Variants in MTMR6 observed in about 807,000 individuals in gnomAD.
MTMR6 encodes myotubularin related protein 6, also known as phosphatidylinositol-3,5-bisphosphate 3-phosphatase MTMR6.
MTMR6 carries 47 observed loss-of-function variants against 80.1 expected under a neutral mutation model. That is an observed-to-expected ratio of 0.59 (90% confidence interval 0.46 to 0.75). MTMR6 has a LOEUF of 0.75. Among genes scored for constraint, MTMR6 ranks in the 30% least tolerant of loss-of-function variants. MTMR6 has a pLI of 0.00. For synonymous variants in MTMR6, 254 were observed against 253.0 expected, an observed-to-expected ratio of 1.00 and a Z score of -0.04; for missense variants, 629 against 730.9, an observed-to-expected ratio of 0.86 and a Z score of 1.61.
At chr13:25,265,377 T>C (rs747648100) in intron 5 of MTMR6, among the ~76,000 whole-genome samples, 35 of 152,314 alleles carry the variant, frequency 2.3e-4, no homozygotes, top group Middle Eastern at 3.4e-3. Context: ...AGTAGTTTTG[T>C]TTTAAATTTG....
At chr13:25,274,567 T>C (rs1957664343) in intron 1 of MTMR6, among the ~76,000 whole-genome samples, 1 of 152,182 alleles carries the variant, frequency 6.6e-6, no homozygotes, top group African/African-American at 2.4e-5. Context: ...TAGAGTAAAC[T>C]ACCAGAAAAA....
intron 9 of MTMR6, among the ~76,000 whole-genome samples, chr13:25,256,882 G>A (rs954901581): frequency 1.3e-5 from 2 of 151,864 alleles, no homozygotes; most frequent in Non-Finnish European, 2.9e-5. Context: ...AACATTTTAG[G>A]AAAAAAAATT....
intron 9 of MTMR6, among the ~76,000 whole-genome samples, chr13:25,254,769 G>T (rs1159366705): frequency 2.0e-5 from 3 of 151,958 alleles, no homozygotes; most frequent in Non-Finnish European, 4.4e-5. Context: ...AAAAAGGCTA[G>T]AAAAATGTAA....
chr13:25,264,306 TAGA>T (rs1957405224), intron 5 of MTMR6, among the ~76,000 whole-genome samples: 1 of 149,628 alleles, frequency 6.7e-6, no homozygotes, highest in African/African-American at 2.5e-5. Flanking sequence ...TTTAAAAAAG[TAGA>T]AGTTTATTCT....
At chr13:25,274,301 G>C in intron 1 of MTMR6, 114 bp from the exon 2 acceptor site, 1 of 611,520 alleles carries the variant, frequency 1.6e-6, no homozygotes, top group Non-Finnish European at 2.8e-6. Context: ...AAAATCATAA[G>C]AGCTTATTTA....
intron 9 of MTMR6, 56 bp downstream of exon 9, chr13:25,257,140 G>A: frequency 2.0e-6 from 3 of 1,530,474 alleles, no homozygotes; most frequent in Non-Finnish European, 2.7e-6. Flanking sequence ...GTCCTCTGGA[G>A]GAACATAAAA....
At chr13:25,287,179 G>T in intron 1 of MTMR6, 45 bp downstream of exon 1, 1 of 1,578,004 alleles carries the variant, frequency 6.3e-7, no homozygotes, top group South Asian at 1.1e-5. Context: ...CCTCAGCCGG[G>T]TCAGAGCAGG....
intron 3 of MTMR6, 44 bp downstream of exon 3, chr13:25,267,735 C>A: frequency 6.5e-7 from 1 of 1,543,824 alleles, no homozygotes; most frequent in Non-Finnish European, 8.8e-7. Flanking sequence ...TTAGATAACC[C>A]ATCTCAAATT....
At chr13:25,285,434 G>A (rs967547773) in intron 1 of MTMR6, among the ~76,000 whole-genome samples, 22 of 124,968 alleles carry the variant, frequency 1.8e-4, no homozygotes, top group Admixed American at 1.5e-3. Context: ...GGGCAATGGC[G>A]CAATCTTGGC....
chr13:25,254,589 C>A (rs1957155294), intron 9 of MTMR6, among the ~76,000 whole-genome samples, 155 bp from the exon 10 acceptor site: 1 of 152,032 alleles, frequency 6.6e-6, no homozygotes, highest in Non-Finnish European at 1.5e-5. Flanking sequence ...AATGCCAAAA[C>A]CTTGATTCGA....
intron 2 of MTMR6, among the ~76,000 whole-genome samples, chr13:25,273,176 C>T (rs1957620826): frequency 6.6e-6 from 1 of 151,750 alleles, no homozygotes; most frequent in Non-Finnish European, 1.5e-5. Flanking sequence ...GGATGTACAA[C>T]ATTGTGTAAT....
Position 25,267,822 on chromosome 13 carries a change from A to C in MTMR6, c.261T>G (p.Asp87Glu), listed in dbSNP as rs771706244. ...TVHFIVPRERDCHDIYNSLLQ... is the reference protein window; with the variant it reads ...TVHFIVPRERECHDIYNSLLQ... ...GCAAAGAGTTGTAAATATCATGGCA[A>C]TCTCTTTCTCTGGGAACAATGAAAT... Residue 87 changes from aspartate to glutamate, a missense_variant, in exon 3 of 14, where the codon GAT (aspartate) becomes GAG (glutamate). By Grantham distance (45) the Asp-to-Glu change is conservative. Transcript: ENST00000381801. 45 of 1,613,746 alleles carry C rather than the reference A, an allele frequency of 2.8e-5. No individual in the cohort carries two copies. Among genetic ancestry groups the C allele is most frequent in the Middle Eastern group, 3.3e-4 (2 of 6,082 alleles).
In MTMR6 at chr13:25,248,993, G is replaced by C; in HGVS notation, c.*239C>G. 4.0e-6 allele frequency: 2 copies of C among 494,450 alleles called. No homozygotes were observed. Among genetic ancestry groups the C allele is most frequent in the Non-Finnish European group, 7.1e-6 (2 of 279,968 alleles). The allele number at this position is 494,450 out of a possible 1,614,324, so 30.6% of individuals were successfully genotyped here. A position where few individuals can be genotyped will look rare whatever the true frequency, so the allele number is the denominator to read the frequency against. On this transcript the variant is annotated 3_prime_UTR_variant, in exon 14 of 14. Coordinates refer to ENST00000381801, the MANE Select transcript of MTMR6 (RefSeq NM_004685.5). The stretch of plus-strand genomic sequence containing the variant: ...TAGTGTACAGTGCAAATTGTGTTTT[G>C]AGTAAATACATCAAATACCACTCAT...
chr13:25,267,686 A>G, intron 3 of MTMR6, 93 bp downstream of exon 3: 1 of 1,306,508 alleles, frequency 7.7e-7, no homozygotes, highest in Non-Finnish European at 1.0e-6. Flanking sequence ...AGAGCAAAAA[A>G]GGATAAAATA....
chr13:25,285,390 C>A (rs1426996639), intron 1 of MTMR6, among the ~76,000 whole-genome samples: 1 of 13,450 alleles, frequency 7.4e-5, no homozygotes, highest in Non-Finnish European at 4.5e-4. Flanking sequence ...TTCTTTTCCG[C>A]CCCCCCCCCC....
chr13:25,285,780 C>T (rs1957943982), intron 1 of MTMR6, among the ~76,000 whole-genome samples: 1 of 152,158 alleles, frequency 6.6e-6, no homozygotes, highest in Admixed American at 6.5e-5. Context: ...GTGATCCGCC[C>T]ACCTCGGCCT....
intron 11 of MTMR6, 133 bp downstream of exon 11, chr13:25,253,631 G>C (rs1484429435): frequency 2.5e-5 from 20 of 803,674 alleles, no homozygotes; most frequent in Non-Finnish European, 3.4e-5. Context: ...CTCAGCTTTA[G>C]AAATACAAAA....
At chr13:25,260,487 T>C (rs912780978) in intron 6 of MTMR6, 11 of 553,234 alleles carry the variant, frequency 2.0e-5, no homozygotes, top group South Asian at 8.9e-5. Context: ...TTTTGTGAAA[T>C]TGCATAATGA....
chr13:25,269,782 CA>C (rs1389857797), intron 2 of MTMR6, among the ~76,000 whole-genome samples: 1 of 151,940 alleles, frequency 6.6e-6, no homozygotes, highest in African/African-American at 2.4e-5. Flanking sequence ...AAGCAGTTGT[CA>C]ATGGAAATTA....
Sources: gnomAD v4.1 joint callset for allele counts (sites outside exome capture counted in the v4.1 genomes callset) on GRCh38, gnomAD v4.1.1 for gene constraint, MANE v1.5 for transcripts, NCBI Gene and HGNC (gene_info 2026-07-23, HGNC 2026-07-21) for gene names.